MARCHF1: variants seen among roughly 807,000 people sequenced by gnomAD.
The protein encoded by MARCHF1 is membrane associated ring-CH-type finger 1.
Under a neutral mutation model 54.2 loss-of-function variants are expected in MARCHF1, and 40 were observed. That is an observed-to-expected ratio of 0.74 (90% CI 0.57 to 0.96). MARCHF1 has a LOEUF of 0.96. MARCHF1 is among the 40% of genes least tolerant of loss of function. The pLI is 0.00. For missense variants in MARCHF1, 586 were observed against 656.5 expected, an observed-to-expected ratio of 0.89 and a Z score of 1.17; for synonymous variants, 236 against 236.3, an observed-to-expected ratio of 1.00 and a Z score of 0.01.
At chr4:163,689,375 A>G (rs1434393826) in intron 5 of MARCHF1, among the ~76,000 whole-genome samples, 1 of 152,206 alleles carries the variant, frequency 6.6e-6, no homozygotes, top group African/African-American at 2.4e-5. Flanking sequence ...GAAAAGTTTA[A>G]CATGTTTTCT....
At chr4:163,782,258 G>A (rs956848210) in intron 4 of MARCHF1, among the ~76,000 whole-genome samples, 15 of 152,202 alleles carry the variant, frequency 9.9e-5, no homozygotes, top group Non-Finnish European at 1.8e-4. Flanking sequence ...CTCTCTGGGA[G>A]GAGATAGATG....
At chr4:164,091,410 T>TTATATATATATATATATATATATATATA (rs1553980469) in intron 2 of MARCHF1, among the ~76,000 whole-genome samples, 119 of 136,870 alleles carry the variant, frequency 8.7e-4, no homozygotes, top group Non-Finnish European at 1.4e-3. Context: ...TCACCAAGTT[T>TTATATATATATATATATATATATATATA]TATATATATA....
chr4:163,764,061 C>A (rs545217373), intron 4 of MARCHF1, among the ~76,000 whole-genome samples: 1 of 152,122 alleles, frequency 6.6e-6, no homozygotes, highest in East Asian at 1.9e-4. Flanking sequence ...TTCTCTTTTG[C>A]CACAAAGTCT....
At chr4:164,236,924 T>G (rs1560967186) in intron 1 of MARCHF1, among the ~76,000 whole-genome samples, 1 of 152,148 alleles carries the variant, frequency 6.6e-6, no homozygotes, top group Non-Finnish European at 1.5e-5. Context: ...CTTCCACTTC[T>G]CTGGTCATTG....
intron 8 of MARCHF1, among the ~76,000 whole-genome samples, chr4:163,559,723 C>T (rs1739406373): frequency 1.3e-5 from 2 of 152,186 alleles, no homozygotes; most frequent in Non-Finnish European, 2.9e-5. Context: ...AATTTATCTC[C>T]ATCTGTCACT....
intron 3 of MARCHF1, among the ~76,000 whole-genome samples, chr4:163,926,722 T>A (rs1198406519): frequency 1.3e-5 from 2 of 151,664 alleles, no homozygotes; most frequent in Non-Finnish European, 3.0e-5. Context: ...TAGTTTGCAT[T>A]TCTCTGATAC....
chr4:164,137,980 T>TC (rs151196699), intron 1 of MARCHF1, among the ~76,000 whole-genome samples: 47 of 152,278 alleles, frequency 3.1e-4, no homozygotes, highest in African/African-American at 1.0e-3. Flanking sequence ...TGAAATTTAT[T>TC]CATTGCTTTA....
intron 4 of MARCHF1, among the ~76,000 whole-genome samples, chr4:163,818,564 C>G (rs571468588): frequency 4.6e-5 from 7 of 152,068 alleles, no homozygotes; most frequent in Non-Finnish European, 1.0e-4. Context: ...ACAAGCTTAT[C>G]ATTCCCACGT....
At chr4:164,100,530 C>T (rs1486323713) in intron 2 of MARCHF1, among the ~76,000 whole-genome samples, 2 of 152,160 alleles carry the variant, frequency 1.3e-5, no homozygotes, top group Non-Finnish European at 2.9e-5. Flanking sequence ...ATATGTGTTG[C>T]CTAAATGAAT....
chr4:163,934,618 C>G (rs985456641), intron 3 of MARCHF1, among the ~76,000 whole-genome samples: 2 of 142,024 alleles, frequency 1.4e-5, no homozygotes, highest in African/African-American at 5.1e-5. Context: ...AACTCCACAT[C>G]TGTTCAAGTG....
chr4:164,147,168 AAAC>A (rs916429251), intron 1 of MARCHF1, among the ~76,000 whole-genome samples: 6 of 151,872 alleles, frequency 4.0e-5, no homozygotes, highest in African/African-American at 1.2e-4. Context: ...AAAAGTCAGG[AAAC>A]AACAGGTGCT....
At chr4:163,929,973 A>T (rs62350605) in intron 3 of MARCHF1, among the ~76,000 whole-genome samples, 119,298 of 125,294 alleles carry the variant, frequency 0.95, 57,170 homozygotes, top group East Asian at 1. Flanking sequence ...AATATATATA[A>T]TATATATAAT....
At chr4:163,992,951 A>C (rs1752996209) in intron 2 of MARCHF1, among the ~76,000 whole-genome samples, 1 of 152,006 alleles carries the variant, frequency 6.6e-6, no homozygotes, top group East Asian at 1.9e-4. Flanking sequence ...CCTGGATTGA[A>C]TGGGTTTTCA....
At chr4:163,766,988 T>C (rs114443969) in intron 4 of MARCHF1, among the ~76,000 whole-genome samples, 455 of 151,670 alleles carry the variant, frequency 3.0e-3, no homozygotes, top group Admixed American at 5.1e-3. Flanking sequence ...AAATAATAAT[T>C]ACTATAGGCC....
intron 8 of MARCHF1, among the ~76,000 whole-genome samples, chr4:163,573,080 T>C (rs1739894421): frequency 6.6e-6 from 1 of 152,122 alleles, no homozygotes; most frequent in Non-Finnish European, 1.5e-5. Flanking sequence ...ATCTCTCAGC[T>C]ATCTGTCTTA....
At chr4:163,857,764 C>T (rs898741109) in intron 3 of MARCHF1, among the ~76,000 whole-genome samples, 2 of 152,102 alleles carry the variant, frequency 1.3e-5, no homozygotes, top group Admixed American at 6.6e-5. Context: ...ACTTTTAATT[C>T]AGAAAACATC....
intron 2 of MARCHF1, among the ~76,000 whole-genome samples, chr4:164,098,722 G>A (rs1204609570): frequency 6.6e-6 from 1 of 152,198 alleles, no homozygotes; most frequent in Non-Finnish European, 1.5e-5. Context: ...TCAGATCAAG[G>A]AGCCTTGAAT....
chr4:163,634,454 C>T (rs1742235855), intron 5 of MARCHF1, among the ~76,000 whole-genome samples: 1 of 144,792 alleles, frequency 6.9e-6, no homozygotes, highest in African/African-American at 2.6e-5. Context: ...ATCCTAGTCT[C>T]TGATAAAACA....
chr4:164,368,609 A>G (rs1194740933), intron 1 of MARCHF1, among the ~76,000 whole-genome samples: 1 of 152,172 alleles, frequency 6.6e-6, no homozygotes, highest in African/African-American at 2.4e-5. Context: ...TAAAAAATAC[A>G]TTTCAAACCA....
Sources: gnomAD v4.1 joint callset for allele counts (sites outside exome capture counted in the v4.1 genomes callset) on GRCh38, gnomAD v4.1.1 for gene constraint, MANE v1.5 for transcripts, NCBI Gene and HGNC (gene_info 2026-07-23, HGNC 2026-07-21) for gene names.